PEX14: variants seen among roughly 807,000 people sequenced by gnomAD.
The protein encoded by PEX14 is peroxisomal biogenesis factor 14.
PEX14 carries 15 observed loss-of-function variants against 49.5 expected under a neutral mutation model. The ratio of observed to expected loss-of-function variants is 0.30; its 90% CI spans 0.20 to 0.47. The LOEUF is 0.47. PEX14 is among the 20% of genes least tolerant of loss of function. The pLI is 1.00. For synonymous variants in PEX14, 210 were observed against 212.7 expected (o/e 0.99, Z 0.11); for missense variants, 398 against 494.8 (o/e 0.80, Z 1.86).
intron 1 of PEX14, among the ~76,000 whole-genome samples, chr1:10,476,468 A>G (rs1641197335): frequency 6.6e-6 from 1 of 152,142 alleles, no homozygotes; most frequent in African/African-American, 2.4e-5. Flanking sequence ...AGGAATGCCC[A>G]CAGGCTGGGA....
chr1:10,523,109 T>A (rs1638355010), intron 2 of PEX14, among the ~76,000 whole-genome samples: 1 of 152,216 alleles, frequency 6.6e-6, no homozygotes, highest in Non-Finnish European at 1.5e-5. Flanking sequence ...GATGTTTCTC[T>A]CTTGGCATTT....
At chr1:10,516,958 G>A (rs1218278855) in intron 2 of PEX14, 1 of 152,264 alleles carries the variant, frequency 6.6e-6, no homozygotes, top group African/African-American at 2.4e-5. Context: ...AGATGGCAGA[G>A]CCTTTCTTTG....
chr1:10,620,115 A>G (rs1447692474), intron 5 of PEX14, among the ~76,000 whole-genome samples: 1 of 151,886 alleles, frequency 6.6e-6, no homozygotes, highest in Non-Finnish European at 1.5e-5. Context: ...ACTCCTTCTC[A>G]AAAAAGAAAA....
intron 3 of PEX14, among the ~76,000 whole-genome samples, chr1:10,547,909 C>T (rs771380247): frequency 2.6e-5 from 4 of 152,048 alleles, no homozygotes; most frequent in Non-Finnish European, 5.9e-5. Context: ...CACTGGCTTT[C>T]GAGATGATTT....
chr1:10,615,549 G>A (rs186513446), intron 4 of PEX14, among the ~76,000 whole-genome samples: 8 of 152,342 alleles, frequency 5.3e-5, no homozygotes, highest in East Asian at 3.9e-4. Context: ...ATTGCGCAGC[G>A]GCTCAGGGTG....
chr1:10,544,847 G>A (rs886482044), intron 3 of PEX14, among the ~76,000 whole-genome samples: 4 of 151,526 alleles, frequency 2.6e-5, no homozygotes, highest in African/African-American at 9.7e-5. Context: ...CTGCAGCCTT[G>A]ACCTCCCCGG....
chr1:10,549,016 G>GA (rs764266623), intron 3 of PEX14, among the ~76,000 whole-genome samples: 28 of 152,218 alleles, frequency 1.8e-4, no homozygotes, highest in Non-Finnish European at 3.4e-4. Context: ...TTGTTGAGTA[G>GA]ATTGTCTTTA....
At chr1:10,505,286 C>T (rs61192982) in intron 2 of PEX14, among the ~76,000 whole-genome samples, 17,004 of 151,960 alleles carry the variant, frequency 0.11, 1,179 homozygotes, top group South Asian at 0.22. Flanking sequence ...GCCTGGGCAA[C>T]GTGACGAGGT....
intron 2 of PEX14, among the ~76,000 whole-genome samples, chr1:10,518,012 C>CCATGTGAACCCTGAGTTA (rs1557822852): frequency 1.3e-5 from 2 of 152,034 alleles, no homozygotes; most frequent in African/African-American, 4.8e-5. Context: ...CGTTACTTTT[C>CCATGTGAACCCTGAGTTA]CATGTGAACC....
rs1057080735 is a variant in PEX14 at position 10,494,548 on chromosome 1, C to T, written c.37-726C>T. Among the ~76,000 whole-genome samples the T allele has an allele frequency of 6.6e-6, 1 of 152,172 alleles. No homozygotes were observed. Among genetic ancestry groups the T allele is most frequent in the African/African-American group, 2.4e-5 (1 of 41,432 alleles). ...GGCCAGATCAGTCAAGGGTCGAAGG[C>T]GCCTGTGAGGGTGAGGTAGTGGCCC... On this transcript the variant is annotated intron_variant, in intron 1 of 8. Transcript: ENST00000356607. The surrounding 1 kb of genome is among the most constrained non-coding windows in gnomAD (Gnocchi z 4.3).
At chr1:10,604,241 C>T (rs933567119) in intron 4 of PEX14, among the ~76,000 whole-genome samples, 3 of 152,130 alleles carry the variant, frequency 2.0e-5, no homozygotes, top group East Asian at 1.9e-4. Context: ...CTGGATGTGG[C>T]GGGCTGCTTG....
intron 4 of PEX14, among the ~76,000 whole-genome samples, chr1:10,615,438 A>G (rs1255864298): frequency 1.3e-5 from 2 of 152,230 alleles, no homozygotes; most frequent in African/African-American, 4.8e-5. Flanking sequence ...GATCAATGCA[A>G]ATTAGAACTA....
intron 3 of PEX14, among the ~76,000 whole-genome samples, chr1:10,594,096 G>T (rs1640754442): frequency 6.6e-6 from 1 of 152,104 alleles, no homozygotes; most frequent in Non-Finnish European, 1.5e-5. Context: ...TGGGAAATAG[G>T]GGTCTCCAGG....
chr1:10,526,045 C>T (rs565974243), intron 2 of PEX14, among the ~76,000 whole-genome samples: 1 of 151,486 alleles, frequency 6.6e-6, no homozygotes, highest in African/African-American at 2.4e-5. Flanking sequence ...CCTCGACCTC[C>T]CTAGTAGCTG....
chr1:10,540,142 A>G (rs1430882658), intron 3 of PEX14, among the ~76,000 whole-genome samples: 1 of 152,114 alleles, frequency 6.6e-6, no homozygotes, highest in African/African-American at 2.4e-5. Flanking sequence ...TTATCCTTCT[A>G]CTGTTCCTGG....
rs766158334 is a variant in PEX14, at chr1:10,597,291, G to A, written c.170-1947G>A. On this transcript the variant is annotated intron_variant, in intron 3 of 8. Transcript: ENST00000356607. The surrounding 1 kb of genome is among the most constrained non-coding windows in gnomAD (Gnocchi z 5.7). ...GTGACCATCAGCCTGTGCTGACATC[G>A]CAGATGCTGCTTTCTTCTCTAATGG... is the stretch of plus-strand genomic sequence containing the variant. Among the ~76,000 whole-genome samples the A allele has an allele frequency of 6.6e-6, 1 of 152,220 alleles. No homozygotes were observed. The highest frequency in any genetic ancestry group is 6.5e-5 in the Admixed American group (1 of 15,288).
chr1:10,491,435 C>T (rs1345086501), intron 1 of PEX14, among the ~76,000 whole-genome samples: 1 of 152,080 alleles, frequency 6.6e-6, no homozygotes, highest in Non-Finnish European at 1.5e-5. Flanking sequence ...AGCTGGAATA[C>T]AATGGCACCA....
rs1056944162 is a variant in PEX14 at position 10,529,379 on chromosome 1, G to A, written c.85-6834G>A. Among the ~76,000 whole-genome samples, 3 of 152,154 alleles carry A rather than the reference G, an allele frequency of 2.0e-5. No homozygotes were observed. The highest frequency in any genetic ancestry group is 6.5e-5 in the Admixed American group (1 of 15,274). ...CTGGAAGTTGGCACCCAGAGTCCTC[G>A]GCTGGACACGGACACCTCTCCAAAG... On this transcript the variant is annotated intron_variant, in intron 2 of 8. Transcript: ENST00000356607. The surrounding 1 kb of genome is among the most constrained non-coding windows in gnomAD (Gnocchi z 4.2).
intron 2 of PEX14, among the ~76,000 whole-genome samples, chr1:10,531,917 A>G (rs1363515744): frequency 6.6e-6 from 1 of 152,164 alleles, no homozygotes; most frequent in African/African-American, 2.4e-5. Flanking sequence ...TACAATGTGC[A>G]GGTCTTTTGT....
Sources: allele counts gnomAD v4.1 joint callset (sites outside exome capture counted in the v4.1 genomes callset), GRCh38; gene constraint gnomAD v4.1.1; non-coding constraint Gnocchi (gnomAD v3.1); transcripts MANE v1.5; gene names NCBI Gene and HGNC (gene_info 2026-07-23, HGNC 2026-07-21).